GLE1: variants seen among roughly 807,000 people sequenced by gnomAD.
The protein encoded by GLE1 is GLE1 RNA export mediator.
GLE1 carries 78 observed loss-of-function variants against 97.3 expected under a neutral mutation model. That is an observed-to-expected ratio of 0.80 (90% CI 0.67 to 0.97). The LOEUF is 0.97. GLE1 is among the 50% of genes least tolerant of loss of function. The pLI is 0.00. For synonymous variants in GLE1, 302 were observed against 313.4 expected (o/e 0.96, Z 0.39); for missense variants, 753 against 857.5 (o/e 0.88, Z 1.52).
At chr9:128,519,970 A>G (rs922619854) in intron 3 of GLE1, among the ~76,000 whole-genome samples, 5 of 152,100 alleles carry the variant, frequency 3.3e-5, no homozygotes, top group Non-Finnish European at 5.9e-5. Flanking sequence ...AGGTTCCCCA[A>G]TAGGGCACCC....
chr9:128,511,158 C>T (rs1846807773), intron 2 of GLE1, among the ~76,000 whole-genome samples: 1 of 150,920 alleles, frequency 6.6e-6, no homozygotes, highest in African/African-American at 2.4e-5. Flanking sequence ...GAGCTGAGAT[C>T]ATGCCATTGT....
intron 12 of GLE1, among the ~76,000 whole-genome samples, chr9:128,537,368 G>A (rs564734217): frequency 3.5e-5 from 5 of 142,854 alleles, no homozygotes; most frequent in South Asian, 4.4e-4. Flanking sequence ...CACGAGAATC[G>A]CTTTAACCCA....
At position 128,523,591 on chromosome 9, in the gene GLE1, G is replaced by T. The variant is rs1478360744; in HGVS notation, c.643-1G>T. ...AGAAGTCACTCAGCCCTTTTCTACA[G>T]ATTCTCAACCTGAAGCTGCGGGAAG... is the stretch of plus-strand genomic sequence containing the variant. On this transcript the variant is annotated splice_acceptor_variant, in intron 5 of 15. Coordinates refer to ENST00000309971, the MANE Select transcript of GLE1 (RefSeq NM_001003722.2). LOFTEE classifies it high-confidence loss of function. 1 of 1,614,026 alleles carries T rather than the reference G, an allele frequency of 6.2e-7. No individual in the cohort carries two copies. Among genetic ancestry groups the T allele is most frequent in the Admixed American group, 1.7e-5 (1 of 60,010 alleles).
intron 7 of GLE1, among the ~76,000 whole-genome samples, chr9:128,525,774 A>G (rs1847284082): frequency 6.6e-6 from 1 of 152,104 alleles, no homozygotes; most frequent in South Asian, 2.1e-4. Context: ...AAAAATAAAA[A>G]AATTAGCTGG....
Position 128,540,622 on chromosome 9 carries a change from T to G in GLE1, c.2028+284T>G, listed in dbSNP as rs1337758064. 3.1e-5 allele frequency: 13 copies of G among 426,168 alleles called. No individual in the cohort carries two copies. The South Asian group carries it at 3.2e-4, about 10-fold the overall frequency. 26.4% of individuals were successfully genotyped at this position (426,168 alleles called of 1,614,324 possible). On this transcript the variant is annotated intron_variant, in intron 15 of 15. Transcript: ENST00000309971. ...ATTAATATATATTTTTTTTGCATGTTGGCCAAGGTTATTTTCTTAGTCTCA... is the reference window on the plus strand; with the variant it reads ...ATTAATATATATTTTTTTTGCATGTGGGCCAAGGTTATTTTCTTAGTCTCA...
At chr9:128,536,787 A>T (rs752467298) in intron 12 of GLE1, 12 of 362,294 alleles carry the variant, frequency 3.3e-5, no homozygotes, top group Non-Finnish European at 5.9e-5. Context: ...TTGTCATCTT[A>T]GAACTAGTTG....
chr9:128,534,861 G>A (rs1342078470), intron 11 of GLE1, among the ~76,000 whole-genome samples: 1 of 151,860 alleles, frequency 6.6e-6, no homozygotes, highest in Non-Finnish European at 1.5e-5. Context: ...TGGGACTACA[G>A]GCGCCCACCA....
At chr9:128,532,684 C>T in intron 9 of GLE1, 1 of 973,948 alleles carries the variant, frequency 1.0e-6, no homozygotes, top group Non-Finnish European at 1.2e-6. Flanking sequence ...CTTTGGTCTT[C>T]ATGGCAGGTA....
rs78781883 is a variant in GLE1 at position 128,540,521 on chromosome 9, A to G, written c.2028+183A>G. The G allele has an allele frequency of 1.1e-3, 678 of 638,806 alleles. 9 individuals carry two copies. The East Asian group carries it at 0.018, about 17-fold the overall frequency. The allele number at this position is 638,806 out of a possible 1,614,324, so 39.6% of individuals were successfully genotyped here. A position where few individuals can be genotyped will look rare whatever the true frequency, so the allele number is the denominator to read the frequency against. On this transcript the variant is annotated intron_variant, in intron 15 of 15. Transcript: ENST00000309971. ...TAAGGGCTGCCATTTCCTCTTCTTTATATGTATCATTCTCTATACTGCCTG... is the reference window on the plus strand; with the variant it reads ...TAAGGGCTGCCATTTCCTCTTCTTTGTATGTATCATTCTCTATACTGCCTG...
intron 5 of GLE1, 120 bp downstream of exon 5, chr9:128,523,460 C>A: frequency 1.4e-6 from 2 of 1,401,564 alleles, no homozygotes; most frequent in Non-Finnish European, 1.0e-6. Flanking sequence ...CTGTGTATGA[C>A]TAACCTTGGG....
At chr9:128,526,591 T>C (rs1241527210) in intron 7 of GLE1, among the ~76,000 whole-genome samples, 3 of 152,086 alleles carry the variant, frequency 2.0e-5, no homozygotes, top group Non-Finnish European at 4.4e-5. Flanking sequence ...ACTCCCGACC[T>C]CAGGTGATCT....
chr9:128,539,850 T>C (rs746859525), intron 14 of GLE1, 152 bp downstream of exon 14: 32 of 1,530,014 alleles, frequency 2.1e-5, no homozygotes, highest in Non-Finnish European at 2.7e-5. Context: ...CTCTCGTTGA[T>C]ATTTGAATAA....
At chr9:128,537,022 C>G (rs1251760910) in intron 12 of GLE1, 1 of 163,900 alleles carries the variant, frequency 6.1e-6, no homozygotes, top group East Asian at 1.7e-4. Context: ...GTCCCAGGTT[C>G]TGTGCTAAAG....
At chr9:128,539,821 A>C (rs1847834521) in intron 14 of GLE1, 123 bp downstream of exon 14, 3 of 1,570,086 alleles carry the variant, frequency 1.9e-6, no homozygotes, top group Non-Finnish European at 8.6e-7. Context: ...TAAGTATGAC[A>C]TCTTTCCTAC....
intron 9 of GLE1, among the ~76,000 whole-genome samples, chr9:128,529,815 C>T (rs937157108): frequency 1.3e-5 from 2 of 151,094 alleles, no homozygotes; most frequent in African/African-American, 4.9e-5. Flanking sequence ...CTCGCTCTTT[C>T]GCCCAGGCTG....
chr9:128,513,504 C>G (rs1189916605), intron 2 of GLE1, among the ~76,000 whole-genome samples: 1 of 152,014 alleles, frequency 6.6e-6, no homozygotes, highest in Admixed American at 6.6e-5. Context: ...AACATTTGAG[C>G]TCAGGCATTC....
chr9:128,515,641 TA>T lies in GLE1; in HGVS notation c.432+4del. ...CTGGTACACAGAATGAAAGGAACAG[TA>T]AGTGAACCCATGAAGGAAGGCAGCC... On this transcript the variant is annotated splice_donor_region_variant and intron_variant, in intron 3 of 15. Coordinates refer to ENST00000309971, the MANE Select transcript of GLE1 (RefSeq NM_001003722.2). 1 of 1,506,230 alleles carries T rather than the reference TA, an allele frequency of 6.6e-7. No individual in the cohort carries two copies. The highest frequency in any genetic ancestry group is 1.4e-5 in the African/African-American group (1 of 72,936). The allele number at this position is 1,506,230 out of a possible 1,614,324, so 93.3% of individuals were successfully genotyped here. A position where few individuals can be genotyped will look rare whatever the true frequency, so the allele number is the denominator to read the frequency against.
At chr9:128,510,094 G>A (rs138737730) in intron 2 of GLE1, among the ~76,000 whole-genome samples, 275 of 152,166 alleles carry the variant, frequency 1.8e-3, no homozygotes, top group African/African-American at 6.3e-3. Context: ...GTCTGTCTCT[G>A]TCAACCAGGA....
chr9:128,525,250 G>T lies in GLE1; in HGVS notation c.956G>T (p.Arg319Leu). The T allele has an allele frequency of 6.2e-7, 1 of 1,614,112 alleles. No individual in the cohort carries two copies. The highest frequency in any genetic ancestry group is 1.7e-5 in the Admixed American group (1 of 60,008). ...GCTGAGCGAGCTCTGCGGGAAATGC[G>T]GGACCTCCTGATGAACTTGGGGCAG... is the stretch of plus-strand genomic sequence containing the variant. ...AEAERALREM[R>L]DLLMNLGQEI... The change falls in exon 7 of 16, where the codon CGG becomes CTG. Residue 319 changes from arginine (R) to leucine (L), a missense_variant. By Grantham distance (102) the Arg-to-Leu change is moderately radical. Transcript: ENST00000309971.
Sources: gnomAD v4.1 joint callset for allele counts (sites outside exome capture counted in the v4.1 genomes callset) on GRCh38, gnomAD v4.1.1 for gene constraint, MANE v1.5 for transcripts, NCBI Gene and HGNC (gene_info 2026-07-23, HGNC 2026-07-21) for gene names.